INTS9: variants seen among roughly 807,000 people sequenced by gnomAD.
The protein encoded by INTS9 is protein related to CPSF subunits of 74 kDa.
A neutral mutation model predicts 79.7 loss-of-function variants in INTS9; 55 were observed. The observed-to-expected ratio is 0.69, with a 90% CI of 0.56 to 0.86. The LOEUF (loss-of-function observed/expected upper bound fraction) is 0.86, where lower values mean the gene tolerates loss of function less well. Ranked by LOEUF, INTS9 falls within the 40% of genes least tolerant of loss-of-function variation. INTS9 has a pLI of 0.00. For synonymous variants in INTS9, 319 were observed against 325.2 expected, an observed-to-expected ratio of 0.98 and a Z score of 0.20; for missense variants, 721 against 831.5, an observed-to-expected ratio of 0.87 and a Z score of 1.64.
At chr8:28,805,755 T>C (rs1250109454) in intron 8 of INTS9, among the ~76,000 whole-genome samples, 1 of 151,372 alleles carries the variant, frequency 6.6e-6, no homozygotes, top group African/African-American at 2.4e-5. Context: ...AAGAAATAAC[T>C]CAGAAGAATA....
intron 6 of INTS9, among the ~76,000 whole-genome samples, chr8:28,816,852 G>T (rs962335213): frequency 6.6e-6 from 1 of 152,116 alleles, no homozygotes; most frequent in African/African-American, 2.4e-5. Flanking sequence ...CATTCTAACT[G>T]GTGTAAGGTG....
At chr8:28,852,755 TG>T (rs1410233215) in intron 2 of INTS9, among the ~76,000 whole-genome samples, 5 of 152,192 alleles carry the variant, frequency 3.3e-5, no homozygotes, top group African/African-American at 7.2e-5. Flanking sequence ...AATTTTGAGG[TG>T]TTGTGGTTTA....
At chr8:28,881,466 G>A (rs1232283996) in intron 1 of INTS9, among the ~76,000 whole-genome samples, 8 of 113,070 alleles carry the variant, frequency 7.1e-5, no homozygotes, top group African/African-American at 2.3e-4. Context: ...CGCCCCGTCC[G>A]GGAGGGGGGA....
intron 1 of INTS9, among the ~76,000 whole-genome samples, chr8:28,873,954 T>C (rs1232760661): frequency 6.6e-6 from 1 of 152,172 alleles, no homozygotes; most frequent in African/African-American, 2.4e-5. Context: ...GTCCCACTGA[T>C]TGTTGGGATG....
Position 28,837,792 on chromosome 8 carries a change from G to A in INTS9, c.262-16C>T. On this transcript the variant is annotated splice_polypyrimidine_tract_variant and intron_variant, in intron 4 of 16. Coordinates refer to ENST00000521022, the MANE Select transcript of INTS9 (RefSeq NM_018250.4). ...TTAGCTCCGTCTGAAAAGAAAGGGAGGGAATGATATATATCTGTTCAGGGA... is the reference window on the plus strand; with the variant it reads ...TTAGCTCCGTCTGAAAAGAAAGGGAAGGAATGATATATATCTGTTCAGGGA... The A allele has an allele frequency of 1.2e-6, 2 of 1,611,024 alleles. No homozygotes were observed. Among genetic ancestry groups the A allele is most frequent in the Non-Finnish European group, 1.7e-6 (2 of 1,178,060 alleles).
intron 6 of INTS9, among the ~76,000 whole-genome samples, chr8:28,818,805 T>C (rs1805654481): frequency 6.6e-6 from 1 of 151,882 alleles, no homozygotes; most frequent in Non-Finnish European, 1.5e-5. Flanking sequence ...GTTGGTAAGC[T>C]ATTGATTATT....
intron 1 of INTS9, among the ~76,000 whole-genome samples, chr8:28,883,072 C>G (rs572376944): frequency 3.0e-4 from 45 of 152,206 alleles, no homozygotes; most frequent in Non-Finnish European, 5.3e-4. Flanking sequence ...CCTTTCTTAG[C>G]CCTGCCTGAT....
chr8:28,795,496 CG>C (rs1232540073), intron 9 of INTS9, among the ~76,000 whole-genome samples: 1 of 151,818 alleles, frequency 6.6e-6, no homozygotes, highest in Non-Finnish European at 1.5e-5. Flanking sequence ...AAAAATTAGC[CG>C]GGCACAGTGG....
At chr8:28,884,511 T>C (rs764029165) in intron 1 of INTS9, among the ~76,000 whole-genome samples, 2 of 152,184 alleles carry the variant, frequency 1.3e-5, no homozygotes, top group Non-Finnish European at 2.9e-5. Flanking sequence ...TTGTTAAGTA[T>C]AAAATATTTA....
chr8:28,773,971 C>T (rs1802722213), intron 14 of INTS9, among the ~76,000 whole-genome samples: 2 of 152,200 alleles, frequency 1.3e-5, no homozygotes, highest in South Asian at 2.1e-4. Flanking sequence ...AGGTGCGTGA[C>T]ACCACGCCCA....
intron 4 of INTS9, among the ~76,000 whole-genome samples, chr8:28,840,510 C>T (rs1346541446): frequency 8.1e-6 from 1 of 123,072 alleles, no homozygotes; most frequent in African/African-American, 3.1e-5. Context: ...TATTGTGGCA[C>T]TATTCACAAT....
chr8:28,794,760 G>A (rs949297468), intron 9 of INTS9, among the ~76,000 whole-genome samples: 1 of 152,206 alleles, frequency 6.6e-6, no homozygotes. Flanking sequence ...TCTTCTGGAA[G>A]TCTCCTTTCC....
chr8:28,815,325 G>T (rs241153), intron 6 of INTS9, among the ~76,000 whole-genome samples: 4,099 of 152,150 alleles, frequency 0.027, 201 homozygotes, highest in African/African-American at 0.092. Context: ...TTATACAAAC[G>T]TGAAAGAGGT....
At chr8:28,854,746 G>A (rs1347409959) in intron 2 of INTS9, among the ~76,000 whole-genome samples, 1 of 152,106 alleles carries the variant, frequency 6.6e-6, no homozygotes, top group Non-Finnish European at 1.5e-5. Flanking sequence ...GACAAGTGGA[G>A]GCAGCATCAA....
chr8:28,775,246 G>GC (rs764976192), intron 14 of INTS9, among the ~76,000 whole-genome samples: 4 of 152,194 alleles, frequency 2.6e-5, no homozygotes, highest in Non-Finnish European at 4.4e-5. Context: ...TAGGTAAGGA[G>GC]CAGTCCTGAC....
chr8:28,883,710 G>A lies in INTS9; in HGVS notation c.9+6164C>T, dbSNP rs570641235. Among the ~76,000 whole-genome samples, 4 of 152,266 alleles carry A rather than the reference G, an allele frequency of 2.6e-5. No individual in the cohort carries two copies. The East Asian group carries it at 5.8e-4, about 22-fold the overall frequency. Reference sequence around the variant, plus strand: ...GGACAGTAAACCCACTAGGCTTCACGTTCCATATAGGCTGGGGATAAATCT... The same window carrying A: ...GGACAGTAAACCCACTAGGCTTCACATTCCATATAGGCTGGGGATAAATCT... On this transcript the variant is annotated intron_variant, in intron 1 of 16. Transcript: ENST00000521022.
intron 14 of INTS9, among the ~76,000 whole-genome samples, chr8:28,773,554 CTTTT>C (rs530215220): frequency 7.0e-6 from 1 of 142,336 alleles, no homozygotes; most frequent in African/African-American, 2.6e-5. Flanking sequence ...TTTGAAATAT[CTTTT>C]TTTTTTTTCT....
chr8:28,830,340 A>C (rs770422209), intron 6 of INTS9, among the ~76,000 whole-genome samples: 1 of 152,128 alleles, frequency 6.6e-6, no homozygotes, highest in Non-Finnish European at 1.5e-5. Flanking sequence ...TTAAAGAATA[A>C]ATAGCTCTTC....
At position 28,775,917 on chromosome 8, in the gene INTS9, C is replaced by T. The variant is rs764578456; in HGVS notation, c.1405G>A (p.Val469Met). ...TGAGTGTACTGCTCAGGACACACCA[C>T]GTGCAGGGGCTGAGGAACCAATGGG... ...KLLKEVQPLHVVCPEQYTQPP... is the reference protein window; with the variant it reads ...KLLKEVQPLHMVCPEQYTQPP... The change falls in exon 14 of 17, where the codon GTG (valine) becomes ATG (methionine). Residue 469 changes from valine to methionine, a missense_variant. By Grantham distance (21) the Val-to-Met change is conservative. Transcript: ENST00000521022. The T allele has an allele frequency of 1.2e-5, 18 of 1,555,882 alleles. No homozygotes were observed. In the Admixed American group the frequency reaches 1.2e-4, roughly 10 times the overall value.
Sources: allele counts gnomAD v4.1 joint callset (sites outside exome capture counted in the v4.1 genomes callset), GRCh38; gene constraint gnomAD v4.1.1; transcripts MANE v1.5; gene names NCBI Gene and HGNC (gene_info 2026-07-23, HGNC 2026-07-21).